CCDC30: variants seen among roughly 807,000 people sequenced by gnomAD.
CCDC30 encodes coiled-coil domain-containing protein 30.
CCDC30 carries 70 observed loss-of-function variants against 100.2 expected under a neutral mutation model. The ratio of observed to expected loss-of-function variants is 0.70; its 90% CI spans 0.58 to 0.85. CCDC30 has a LOEUF of 0.85. Among genes scored for constraint, CCDC30 ranks in the 40% least tolerant of loss-of-function variants. CCDC30 has a pLI of 0.00. For synonymous variants in CCDC30, 233 were observed against 269.5 expected, an observed-to-expected ratio of 0.86 and a Z score of 1.33; for missense variants, 652 against 771.2, an observed-to-expected ratio of 0.85 and a Z score of 1.83.
intron 6 of CCDC30, among the ~76,000 whole-genome samples, chr1:42,520,411 A>G (rs528929223): frequency 8.0e-5 from 12 of 150,930 alleles, no homozygotes; most frequent in African/African-American, 2.9e-4. Flanking sequence ...GGCTCACTGC[A>G]ACCTCCACCT....
At chr1:42,645,098 C>G (rs1479075938) in intron 14 of CCDC30, among the ~76,000 whole-genome samples, 1 of 152,106 alleles carries the variant, frequency 6.6e-6, no homozygotes, top group Non-Finnish European at 1.5e-5. Context: ...TTTTTCTCCT[C>G]TATCTCATTA....
At chr1:42,527,335 T>A (rs138683770) in intron 6 of CCDC30, among the ~76,000 whole-genome samples, 1 of 152,210 alleles carries the variant, frequency 6.6e-6, no homozygotes, top group Non-Finnish European at 1.5e-5. Flanking sequence ...TTAGTTTAGA[T>A]GTTGGGAGCA....
At chr1:42,491,323 C>T (rs1644137610) in intron 4 of CCDC30, among the ~76,000 whole-genome samples, 1 of 152,044 alleles carries the variant, frequency 6.6e-6, no homozygotes, top group Non-Finnish European at 1.5e-5. Flanking sequence ...AACTGGAAGT[C>T]ATTATGCTAA....
rs1364482846 is a variant in CCDC30 at position 42,546,318 on chromosome 1, G to A, written c.457-19978G>A. ...GAGAATCACTTGAACCCAGAAGGTG[G>A]AGGTTGCGGTGAGCCGAGATCACGC... On this transcript the variant is annotated intron_variant, in intron 6 of 16. Transcript: ENST00000668663. Among the ~76,000 whole-genome samples the A allele has an allele frequency of 3.4e-5, 5 of 148,360 alleles. No individual in the cohort carries two copies. The East Asian group carries it at 9.9e-4, about 29-fold the overall frequency.
At chr1:42,614,084 T>C (rs1331698787) in intron 11 of CCDC30, among the ~76,000 whole-genome samples, 5 of 108,718 alleles carry the variant, frequency 4.6e-5, no homozygotes, top group Non-Finnish European at 1.0e-4. Context: ...CCAATATTCT[T>C]TTTTTTTTTT....
chr1:42,648,349 C>T (rs1262027262), intron 15 of CCDC30, among the ~76,000 whole-genome samples: 2 of 152,040 alleles, frequency 1.3e-5, no homozygotes, highest in African/African-American at 4.8e-5. Flanking sequence ...AAACCAAACC[C>T]AAAATTGATA....
At chr1:42,566,208 G>T in intron 6 of CCDC30, 88 bp from the exon 11 acceptor site, 1 of 991,658 alleles carries the variant, frequency 1.0e-6, no homozygotes, top group South Asian at 1.7e-5. Context: ...ATCACATTCT[G>T]ACAATTCCGG....
exon 9 of CCDC30, chr1:42,581,435 C>A: frequency 1.2e-6 from 2 of 1,613,344 alleles, no homozygotes; most frequent in Non-Finnish European, 1.7e-6. Context: ...AGAGAAGCAG[C>A]AGCTAGAGGA....
intron 11 of CCDC30, among the ~76,000 whole-genome samples, chr1:42,618,017 T>G (rs1405700643): frequency 6.6e-6 from 1 of 152,180 alleles, no homozygotes. Flanking sequence ...AGAAGTAAGA[T>G]GGAGTTAGTT....
intron 3 of CCDC30, among the ~76,000 whole-genome samples, chr1:42,487,278 A>G (rs1644067939): frequency 6.6e-6 from 1 of 152,156 alleles, no homozygotes; most frequent in African/African-American, 2.4e-5. Context: ...AAACCATTGA[A>G]TTGTCCACTT....
chr1:42,463,315 T>A (rs909423290), exon 1 of CCDC30: 2 of 152,246 alleles, frequency 1.3e-5, no homozygotes, highest in African/African-American at 4.8e-5. Flanking sequence ...CGTAGGCACC[T>A]GCAGCTAGCA....
At chr1:42,604,530 G>A (rs1293046213) in intron 10 of CCDC30, among the ~76,000 whole-genome samples, 8 of 152,166 alleles carry the variant, frequency 5.3e-5, no homozygotes, top group Admixed American at 4.6e-4. Flanking sequence ...CACTGCGGAC[G>A]TGTCCTAAGA....
intron 8 of CCDC30, 25 bp downstream of exon 12, chr1:42,577,254 C>G (rs771679943): frequency 7.0e-7 from 1 of 1,432,364 alleles, no homozygotes; most frequent in Non-Finnish European, 9.8e-7. Context: ...GCTTAATAAA[C>G]AGCATACACT....
intron 6 of CCDC30, 94 bp downstream of exon 10, chr1:42,556,499 G>GT (rs995646214): frequency 8.9e-4 from 1,194 of 1,348,842 alleles, no homozygotes; most frequent in African/African-American, 1.2e-3. Context: ...TCATATATAT[G>GT]TTTTTTTTTA....
At chr1:42,574,420 A>G (rs1645792715) in intron 7 of CCDC30, among the ~76,000 whole-genome samples, 2 of 151,950 alleles carry the variant, frequency 1.3e-5, no homozygotes, top group African/African-American at 4.8e-5. Flanking sequence ...TTTAAAATGT[A>G]TATATTTTAA....
At chr1:42,654,324 G>A, downstream of CCDC30, 1 of 272,076 alleles carries the variant, frequency 3.7e-6, no homozygotes, top group Non-Finnish European at 6.9e-6. Context: ...CATTATCATG[G>A]GTATCTTTTC....
At chr1:42,487,575 T>C (rs576344218) in intron 3 of CCDC30, among the ~76,000 whole-genome samples, 3 of 152,302 alleles carry the variant, frequency 2.0e-5, no homozygotes, top group African/African-American at 7.2e-5. Flanking sequence ...AGTCAAGGCA[T>C]TTCCTGGCAA....
chr1:42,462,185 CTTAGA>C (rs1643431103), upstream of CCDC30, among the ~76,000 whole-genome samples: 1 of 151,936 alleles, frequency 6.6e-6, no homozygotes, highest in Non-Finnish European at 1.5e-5. Context: ...ATTCAGAGCA[CTTAGA>C]TTATTTACAC....
At chr1:42,521,775 A>T (rs1644651816) in intron 6 of CCDC30, among the ~76,000 whole-genome samples, 3 of 151,768 alleles carry the variant, frequency 2.0e-5, no homozygotes, top group Admixed American at 2.0e-4. Context: ...TTTTTACTAT[A>T]TTGAGCCTTT....
Sources: allele counts gnomAD v4.1 joint callset (sites outside exome capture counted in the v4.1 genomes callset), GRCh38; gene constraint gnomAD v4.1.1; transcripts MANE v1.5; gene names NCBI Gene and HGNC (gene_info 2026-07-23, HGNC 2026-07-21).